The following PRCP variants were observed in gnomAD, a reference collection of about 807,000 sequenced individuals.
PRCP encodes lysosomal Pro-X carboxypeptidase.
Under a neutral mutation model 54.2 loss-of-function variants are expected in PRCP, and 46 were observed. That is an observed-to-expected ratio of 0.85 (90% CI 0.67 to 1.09). The LOEUF (loss-of-function observed/expected upper bound fraction) is 1.09, where lower values mean the gene tolerates loss of function less well. Ranked by LOEUF, PRCP falls within the 50% of genes least tolerant of loss-of-function variation. PRCP has a pLI of 0.00. For synonymous variants in PRCP, 240 were observed against 212.2 expected (o/e 1.13, Z -1.14); for missense variants, 613 against 596.8 (o/e 1.03, Z -0.28).
intron 8 of PRCP, chr11:82,829,571 C>T (rs1413914679): frequency 6.6e-6 from 1 of 152,098 alleles, no homozygotes; most frequent in Non-Finnish European, 1.5e-5. Context: ...TTTATAGTCC[C>T]CTTCCCCGGT....
upstream of PRCP, chr11:82,900,734 T>C (rs1565240272): frequency 2.0e-6 from 1 of 507,610 alleles, no homozygotes; most frequent in Non-Finnish European, 3.8e-6. Context: ...GCTTTATCTA[T>C]AGCGCCCCCG....
At chr11:82,829,437 C>T (rs1255258884) in intron 8 of PRCP, 7 of 152,218 alleles carry the variant, frequency 4.6e-5, no homozygotes, top group Non-Finnish European at 8.8e-5. Flanking sequence ...AATCCTCTTA[C>T]CCCACCAACC....
At chr11:82,833,419 C>T (rs942259934) in intron 8 of PRCP, among the ~76,000 whole-genome samples, 1 of 151,918 alleles carries the variant, frequency 6.6e-6, no homozygotes, top group Non-Finnish European at 1.5e-5. Flanking sequence ...GTTAGAATGG[C>T]GATTATTAAA....
At chr11:82,874,682 C>T (rs1291127310) in intron 1 of PRCP, among the ~76,000 whole-genome samples, 1 of 146,136 alleles carries the variant, frequency 6.8e-6, no homozygotes, top group Non-Finnish European at 1.5e-5. Context: ...CAAAGTGAGA[C>T]CCTGTCTCAA....
At chr11:82,864,986 G>A (rs1859297746) in intron 1 of PRCP, among the ~76,000 whole-genome samples, 1 of 152,088 alleles carries the variant, frequency 6.6e-6, no homozygotes, top group African/African-American at 2.4e-5. Flanking sequence ...GGGAGAGGTG[G>A]GGATGGGAGG....
chr11:82,892,787 G>C (rs1489738564), intron 1 of PRCP, among the ~76,000 whole-genome samples: 1 of 152,208 alleles, frequency 6.6e-6, no homozygotes, highest in African/African-American at 2.4e-5. Context: ...GGAGTCAGAT[G>C]AATGCCAAGA....
At chr11:82,873,081 A>ATTTTT (rs771676381) in intron 1 of PRCP, among the ~76,000 whole-genome samples, 116 of 127,798 alleles carry the variant, frequency 9.1e-4, no homozygotes, top group Middle Eastern at 4.4e-3. Context: ...TTTTTTTTTA[A>ATTTTT]AAAAAAAGAA....
At chr11:82,825,694 G>T in intron 8 of PRCP, 1 of 152,590 alleles carries the variant, frequency 6.6e-6, no homozygotes. Flanking sequence ...ATCTAATATA[G>T]TACAGTACTT....
intron 2 of PRCP, among the ~76,000 whole-genome samples, chr11:82,855,479 C>A (rs1859062947): frequency 6.6e-6 from 1 of 151,982 alleles, no homozygotes; most frequent in African/African-American, 2.4e-5. Flanking sequence ...CTTAGCCGGG[C>A]GTGGTGGCGG....
intron 1 of PRCP, among the ~76,000 whole-genome samples, chr11:82,862,303 T>C (rs1474634050): frequency 2.0e-5 from 3 of 152,224 alleles, no homozygotes; most frequent in Admixed American, 2.0e-4. Context: ...AATGTAATTA[T>C]CAAATACTAT....
chr11:82,838,652 T>C (rs1858588771), intron 7 of PRCP, 78 bp from the exon 8 acceptor site: 1 of 1,427,028 alleles, frequency 7.0e-7, no homozygotes, highest in African/African-American at 1.4e-5. Context: ...AAAGTCATAA[T>C]GCTGGTAAGT....
chr11:82,831,043 C>CAAAAAAAA (rs11356609), intron 8 of PRCP: 5 of 67,220 alleles, frequency 7.4e-5, no homozygotes, highest in Non-Finnish European at 1.5e-4. Context: ...GGAAAATCTA[C>CAAAAAAAA]AAAAAAAAAA....
chr11:82,829,204 C>T (rs1032733832), intron 8 of PRCP: 6 of 152,178 alleles, frequency 3.9e-5, no homozygotes, highest in African/African-American at 1.4e-4. Flanking sequence ...CAGATAATGT[C>T]ATTCCTTTTC....
chr11:82,849,227 A>T lies in PRCP; in HGVS notation c.752-9T>A. 6.2e-7 allele frequency: 1 copy of T among 1,613,710 alleles called. No homozygotes were observed. The highest frequency in any genetic ancestry group is 8.5e-7 in the Non-Finnish European group (1 of 1,179,714). On this transcript the variant is annotated splice_polypyrimidine_tract_variant and intron_variant, in intron 5 of 8. Transcript: ENST00000313010. ...CCACTGCAAACCACTGCCTGGGAATAGAATCACACTGTTGGAATCTAAAAA... is the reference window on the plus strand; with the variant it reads ...CCACTGCAAACCACTGCCTGGGAATTGAATCACACTGTTGGAATCTAAAAA...
chr11:82,829,424 G>A (rs1042611271), intron 8 of PRCP: 5 of 152,164 alleles, frequency 3.3e-5, no homozygotes, highest in Non-Finnish European at 5.9e-5. Context: ...TTTGCCTTTG[G>A]TTAATCCTCT....
chr11:82,897,151 G>C (rs1242086427), intron 1 of PRCP, among the ~76,000 whole-genome samples: 1 of 152,162 alleles, frequency 6.6e-6, no homozygotes, highest in African/African-American at 2.4e-5. Flanking sequence ...GTGCCCAAGT[G>C]ATGTACTATC....
At chr11:82,890,766 A>T (rs557864588) in intron 1 of PRCP, among the ~76,000 whole-genome samples, 2 of 152,200 alleles carry the variant, frequency 1.3e-5, no homozygotes, top group East Asian at 3.8e-4. Context: ...TAACCTCCAC[A>T]TTGCTAAATC....
rs369757778 is a variant in PRCP, at chr11:82,849,114, G to A, written c.856C>T (p.Leu286=). 9.3e-6 allele frequency: 15 copies of A among 1,614,030 alleles called. No homozygotes were observed. The highest frequency in any genetic ancestry group is 1.3e-5 in the Non-Finnish European group (15 of 1,179,998). The change falls in exon 6 of 9, where the codon CTG becomes TTG. Residue 286 remains leucine, a synonymous_variant. Transcript: ENST00000313010. The part of the protein sequence containing the change: ...KDWISETWVN[L]AMVDYPYASN... ...GCATAAGGATAGTCCACCATTGCCA[G>A]ATTCACCCAGGTTTCAGAGATCCAG... is the stretch of plus-strand genomic sequence containing the variant.
chr11:82,869,926 G>C lies in PRCP; in HGVS notation c.169-9809C>G, dbSNP rs185161043. On this transcript the variant is annotated intron_variant, in intron 1 of 8. Coordinates refer to ENST00000313010, the MANE Select transcript of PRCP (RefSeq NM_005040.4). ...CACCACATAACATTTGGACTGCTGA[G>C]GAAGCAGGAAATGCATGCCTTCTGC... Among the ~76,000 whole-genome samples, 44 of 152,312 alleles carry C rather than the reference G, an allele frequency of 2.9e-4. 1 individual carries two copies. Among genetic ancestry groups the C allele is most frequent in the African/African-American group, 9.4e-4 (39 of 41,562 alleles).
Sources: gnomAD v4.1 joint callset for allele counts (sites outside exome capture counted in the v4.1 genomes callset) on GRCh38, gnomAD v4.1.1 for gene constraint, MANE v1.5 for transcripts, NCBI Gene and HGNC (gene_info 2026-07-23, HGNC 2026-07-21) for gene names.